Variants in COLEC12 observed in about 807,000 individuals in gnomAD.
The protein encoded by COLEC12 is collectin-12.
A neutral mutation model predicts 71.1 loss-of-function variants in COLEC12; 33 were observed. The observed-to-expected ratio is 0.46, with a 90% CI of 0.35 to 0.62. The LOEUF (loss-of-function observed/expected upper bound fraction) is 0.62. Ranked by LOEUF, COLEC12 falls within the 20% of genes least tolerant of loss-of-function variation. The pLI is 0.00. For synonymous variants in COLEC12, 350 were observed against 353.0 expected (o/e 0.99, Z 0.10); for missense variants, 765 against 916.1 (o/e 0.84, Z 2.13).
At chr18:394,938 C>CA (rs907229923) in intron 2 of COLEC12, among the ~76,000 whole-genome samples, 6 of 152,028 alleles carry the variant, frequency 3.9e-5, no homozygotes, top group Middle Eastern at 3.4e-3. Context: ...CAAAACAAAA[C>CA]AAAAAAAACA....
chr18:351,873 T>C (rs1470922912), intron 3 of COLEC12, among the ~76,000 whole-genome samples: 1 of 152,142 alleles, frequency 6.6e-6, no homozygotes, highest in Non-Finnish European at 1.5e-5. Flanking sequence ...AGAGATGGGG[T>C]TTCTCTATGT....
At chr18:355,047 GCATCCATCCATC>G (rs112034077) in intron 3 of COLEC12, among the ~76,000 whole-genome samples, 227 of 150,380 alleles carry the variant, frequency 1.5e-3, no homozygotes, top group Non-Finnish European at 2.2e-3. Context: ...ATCCATCCAT[GCATCCATCCATC>G]CATCCATCCA....
intron 2 of COLEC12, among the ~76,000 whole-genome samples, chr18:369,747 T>C (rs903447025): frequency 2.2e-4 from 34 of 152,230 alleles, no homozygotes; most frequent in Non-Finnish European, 4.0e-4. Context: ...CCCACATGTC[T>C]GTTAATTTCA....
In COLEC12 at chr18:317,098, C is replaced by A. The variant is rs1913565612; in HGVS notation, c.*2947G>T. On this transcript the variant is annotated 3_prime_UTR_variant, in exon 10 of 10. Coordinates refer to ENST00000400256, the MANE Select transcript of COLEC12 (RefSeq NM_130386.3). ...AATTAGCCTGGCATGGTGGCACGCA[C>A]CTGTAGTCCCTAAGCTACTGCAGAG... 6.6e-6 allele frequency: 1 copy of A among 152,248 alleles called. No individual in the cohort carries two copies. The highest frequency in any genetic ancestry group is 1.5e-5 in the Non-Finnish European group (1 of 68,098). 9.4% of individuals were successfully genotyped at this position (152,248 alleles called of 1,614,324 possible). A position where few individuals can be genotyped will look rare whatever the true frequency, so the allele number is the denominator to read the frequency against.
intron 2 of COLEC12, among the ~76,000 whole-genome samples, chr18:468,647 A>G: frequency 6.6e-6 from 1 of 152,206 alleles, no homozygotes; most frequent in East Asian, 1.9e-4. Flanking sequence ...CTCTCTTAGT[A>G]AATAATGAGC....
Position 357,387 on chromosome 18 carries a change from A to G in COLEC12, c.181+13T>C. On this transcript the variant is annotated intron_variant, in intron 3 of 9. Coordinates refer to ENST00000400256, the MANE Select transcript of COLEC12 (RefSeq NM_130386.3). ...ACTTGTTATTTGGAAGAAAAAAAAGAAAGCATGCTTACCTTTATATCCCAA... is the reference window on the plus strand; with the variant it reads ...ACTTGTTATTTGGAAGAAAAAAAAGGAAGCATGCTTACCTTTATATCCCAA... 3 of 1,583,444 alleles carry G rather than the reference A, an allele frequency of 1.9e-6. No individual in the cohort carries two copies. Among genetic ancestry groups the G allele is most frequent in the Non-Finnish European group, 2.6e-6 (3 of 1,171,592 alleles).
At chr18:456,516 A>G (rs564018752) in intron 2 of COLEC12, among the ~76,000 whole-genome samples, 3 of 152,350 alleles carry the variant, frequency 2.0e-5, no homozygotes, top group Admixed American at 2.0e-4. Flanking sequence ...GTGCCGGAAC[A>G]GCAGGATGAC....
At chr18:427,447 C>T (rs1916219413) in intron 2 of COLEC12, among the ~76,000 whole-genome samples, 2 of 152,204 alleles carry the variant, frequency 1.3e-5, no homozygotes, top group Non-Finnish European at 2.9e-5. Context: ...ATCAAGTCCA[C>T]GTTGATAGGT....
chr18:347,387 T>G (rs756495895), intron 4 of COLEC12, 46 bp from the exon 5 acceptor site: 2 of 1,524,562 alleles, frequency 1.3e-6, no homozygotes, highest in East Asian at 4.5e-5. Context: ...TATGGAGAAG[T>G]GTTCAGGCAA....
At chr18:481,514 GGCC>G (rs1567921436) in intron 1 of COLEC12, among the ~76,000 whole-genome samples, 1 of 148,922 alleles carries the variant, frequency 6.7e-6, no homozygotes, top group Non-Finnish European at 1.5e-5. Flanking sequence ...AGCCCAGCCT[GGCC>G]AACATGGTGA....
intron 2 of COLEC12, among the ~76,000 whole-genome samples, chr18:479,383 C>T (rs1917367300): frequency 6.6e-6 from 1 of 152,124 alleles, no homozygotes; most frequent in Non-Finnish European, 1.5e-5. Context: ...TATGTTTTCC[C>T]AGAAAGTAAT....
rs147649015 is a variant in COLEC12 at position 487,057 on chromosome 18, G to C, written c.8-6300C>G. 3.7e-3 allele frequency among the ~76,000 whole-genome samples: 557 copies of C among 152,306 alleles called. 8 individuals carry two copies. Among genetic ancestry groups the C allele is most frequent in the African/African-American group, 0.013 (527 of 41,558 alleles). On this transcript the variant is annotated intron_variant, in intron 1 of 9. Transcript: ENST00000400256. ...GCATTATTCATAACAGCAAAAAAAG[G>C]GGGGGAGACAAGCCAAAGGTTCACT...
intron 2 of COLEC12, among the ~76,000 whole-genome samples, chr18:442,801 A>T (rs995869197): frequency 5.3e-5 from 8 of 152,234 alleles, no homozygotes; most frequent in African/African-American, 1.9e-4. Context: ...CTCTATTAAA[A>T]ACACAAAAAA....
In COLEC12 at chr18:399,227, G is replaced by T. The variant is rs764288773; in HGVS notation, c.59-41705C>A. Among the ~76,000 whole-genome samples the T allele has an allele frequency of 6.6e-6, 1 of 152,218 alleles. No individual in the cohort carries two copies. Among genetic ancestry groups the T allele is most frequent in the Non-Finnish European group, 1.5e-5 (1 of 68,032 alleles). On this transcript the variant is annotated intron_variant, in intron 2 of 9. Transcript: ENST00000400256. This position sits in a 1 kb window ranked among gnomAD's most constrained non-coding sequence, Gnocchi z 4.0. ...TCTGAAGTTGAGATTTTTCTGCTAC[G>T]TGGGTCTCAGGCTAAGCGTAAGATG...
At chr18:352,303 G>T (rs145201573) in intron 3 of COLEC12, among the ~76,000 whole-genome samples, 2 of 152,008 alleles carry the variant, frequency 1.3e-5, no homozygotes, top group Non-Finnish European at 2.9e-5. Context: ...CATATGCCTC[G>T]GTCTGTCCTC....
At position 497,380 on chromosome 18, in the gene COLEC12, T is replaced by TGG. The variant is rs1162080262; in HGVS notation, c.7+3126_7+3127dup. 1.4e-4 allele frequency among the ~76,000 whole-genome samples: 16 copies of TGG among 116,596 alleles called. No homozygotes were observed. In the East Asian group the frequency reaches 1.9e-3, roughly 14 times the overall value. The allele number at this position is 116,596 out of a possible 152,430, so 76.5% of individuals were successfully genotyped here. A position where few individuals can be genotyped will look rare whatever the true frequency, so the allele number is the denominator to read the frequency against. On this transcript the variant is annotated intron_variant, in intron 1 of 9. Transcript: ENST00000400256. The stretch of plus-strand genomic sequence containing the variant: ...ACTGATTTTCAATTTGGCTAAAGAA[T>TGG]GGGGTGTGTGTGTGTGTGTGTGTGT...
intron 2 of COLEC12, among the ~76,000 whole-genome samples, chr18:444,634 G>A (rs550015284): frequency 6.6e-6 from 1 of 152,290 alleles, no homozygotes; most frequent in East Asian, 1.9e-4. Flanking sequence ...TTTTGGAGGT[G>A]GGGGTGAGGT....
intron 2 of COLEC12, among the ~76,000 whole-genome samples, chr18:379,941 G>A (rs180991171): frequency 2.0e-5 from 3 of 152,152 alleles, no homozygotes; most frequent in South Asian, 2.1e-4. Context: ...CTGTATTTCC[G>A]GAGGAAAGCA....
At chr18:418,127 G>A (rs187239163) in intron 2 of COLEC12, among the ~76,000 whole-genome samples, 145 of 152,266 alleles carry the variant, frequency 9.5e-4, no homozygotes, top group African/African-American at 3.2e-3. Context: ...TAAGTGATTT[G>A]CTTAACCTCT....
Sources: allele counts gnomAD v4.1 joint callset (sites outside exome capture counted in the v4.1 genomes callset), GRCh38; gene constraint gnomAD v4.1.1; non-coding constraint Gnocchi (gnomAD v3.1); transcripts MANE v1.5; gene names NCBI Gene and HGNC (gene_info 2026-07-23, HGNC 2026-07-21).